CTTNBP2: variants seen among roughly 807,000 people sequenced by gnomAD.
The protein encoded by CTTNBP2 is cortactin-binding protein 2.
CTTNBP2 carries 108 observed loss-of-function variants against 156.9 expected under a neutral mutation model. The observed-to-expected ratio is 0.69, with a 90% CI of 0.59 to 0.81. The LOEUF (loss-of-function observed/expected upper bound fraction) is 0.81. Among genes scored for constraint, CTTNBP2 ranks in the 30% least tolerant of loss-of-function variants. The probability of loss-of-function intolerance (pLI) is 0.00; values close to 1 mark genes in which losing one functional copy is unlikely to be tolerated. For synonymous variants in CTTNBP2, 767 were observed against 751.8 expected (o/e 1.02, Z -0.33); for missense variants, 1,924 against 2,035.4 (o/e 0.95, Z 1.05).
At chr7:117,774,520 C>T (rs188214026) in intron 8 of CTTNBP2, among the ~76,000 whole-genome samples, 6 of 152,284 alleles carry the variant, frequency 3.9e-5, no homozygotes, top group African/African-American at 1.2e-4. Flanking sequence ...GCATTAGACT[C>T]TCATAGGAGT....
chr7:117,726,940 A>G (rs966531375), intron 17 of CTTNBP2, among the ~76,000 whole-genome samples: 1 of 152,168 alleles, frequency 6.6e-6, no homozygotes, highest in Non-Finnish European at 1.5e-5. Context: ...TAGGGTAAAA[A>G]TCTTGGGACC....
intron 2 of CTTNBP2, among the ~76,000 whole-genome samples, chr7:117,822,069 T>C (rs1042773134): frequency 6.6e-6 from 1 of 152,196 alleles, no homozygotes; most frequent in Non-Finnish European, 1.5e-5. Context: ...GTGAACTCAA[T>C]TTTTAAAATA....
chr7:117,858,160 G>A (rs941786785), intron 2 of CTTNBP2, among the ~76,000 whole-genome samples: 4 of 152,224 alleles, frequency 2.6e-5, no homozygotes, highest in African/African-American at 4.8e-5. Context: ...CACGAGGTCA[G>A]GAGATCAAAA....
At chr7:117,864,494 G>T (rs777541231) in intron 1 of CTTNBP2, among the ~76,000 whole-genome samples, 7 of 151,138 alleles carry the variant, frequency 4.6e-5, no homozygotes, top group Admixed American at 1.3e-4. Context: ...GCAAAACAGG[G>T]TTAAAAAAAG....
chr7:117,754,757 TCAA>T (rs1183783776), intron 12 of CTTNBP2, among the ~76,000 whole-genome samples: 3 of 152,226 alleles, frequency 2.0e-5, no homozygotes, highest in African/African-American at 4.8e-5. Flanking sequence ...CAATATAGAA[TCAA>T]CAACAGTTTT....
At chr7:117,746,920 T>C (rs1310684200) in intron 12 of CTTNBP2, among the ~76,000 whole-genome samples, 1 of 152,196 alleles carries the variant, frequency 6.6e-6, no homozygotes, top group Non-Finnish European at 1.5e-5. Context: ...AGTTTCAGCA[T>C]GCACTTGGAT....
intron 1 of CTTNBP2, 91 bp downstream of exon 1, chr7:117,873,244 G>A (rs549988998): frequency 2.7e-5 from 27 of 1,011,356 alleles, no homozygotes; most frequent in East Asian, 1.0e-4. Flanking sequence ...GGAACGCCCC[G>A]GGGGTGCGAA....
intron 8 of CTTNBP2, among the ~76,000 whole-genome samples, chr7:117,769,762 AC>A (rs1393769154): frequency 6.6e-6 from 1 of 152,230 alleles, no homozygotes; most frequent in Non-Finnish European, 1.5e-5. Flanking sequence ...CAATCTGAGC[AC>A]TAAACTTAGT....
intron 7 of CTTNBP2, 28 bp from the exon 8 acceptor site, chr7:117,777,793 G>C (rs777535459): frequency 6.3e-7 from 1 of 1,587,840 alleles, no homozygotes; most frequent in East Asian, 2.3e-5. Context: ...AGGGGGAAAG[G>C]GTTGATAACA....
At chr7:117,718,753 C>A (rs1407861527) in intron 21 of CTTNBP2, among the ~76,000 whole-genome samples, 1 of 152,174 alleles carries the variant, frequency 6.6e-6, no homozygotes, top group African/African-American at 2.4e-5. Context: ...AATTCTTTTT[C>A]TCATTTGCAA....
intron 1 of CTTNBP2, among the ~76,000 whole-genome samples, chr7:117,870,843 C>T (rs1223377266): frequency 6.6e-6 from 1 of 152,150 alleles, no homozygotes; most frequent in Admixed American, 6.5e-5. Flanking sequence ...GTAGCTGTTA[C>T]CCAGCCTTAA....
chr7:117,775,195 T>C (rs1299140796), intron 8 of CTTNBP2, among the ~76,000 whole-genome samples: 1 of 152,104 alleles, frequency 6.6e-6, no homozygotes, highest in Non-Finnish European at 1.5e-5. Flanking sequence ...GCTTAAAAAA[T>C]ATATTAATAG....
chr7:117,719,742 T>A, intron 20 of CTTNBP2, 106 bp from the exon 21 acceptor site: 2 of 825,094 alleles, frequency 2.4e-6, no homozygotes, highest in East Asian at 5.3e-5. Flanking sequence ...AGGGAAAATG[T>A]TTTTAATAGC....
chr7:117,857,098 G>A (rs903106255), intron 2 of CTTNBP2, among the ~76,000 whole-genome samples: 4 of 152,074 alleles, frequency 2.6e-5, no homozygotes, highest in Admixed American at 1.3e-4. Context: ...ATTCTTTATT[G>A]AACTGCAAAA....
intron 3 of CTTNBP2, among the ~76,000 whole-genome samples, chr7:117,807,829 A>C (rs937532580): frequency 1.3e-4 from 20 of 152,216 alleles, no homozygotes; most frequent in African/African-American, 3.9e-4. Context: ...CTTGTTTGTG[A>C]TGCTGGCTGG....
Position 117,760,666 on chromosome 7 carries a change from G to C in CTTNBP2, c.2941C>G (p.Pro981Ala), listed in dbSNP as rs765928444. The change falls in exon 10 of 23, where the codon CCA (proline) becomes GCA (alanine). Residue 981 changes from proline (P) to alanine (A), a missense_variant. Transcript: ENST00000160373. ...PLRISVGEIE[P>A]SNYGSDDLEC... is the part of the protein sequence containing the mutation. ...AAGTCATCAGAACCATAGTTGCTTG[G>C]TTCAATCTCACCCACTGAAATCCTT... 1 of 1,613,184 alleles carries C rather than the reference G, an allele frequency of 6.2e-7. No homozygotes were observed. Among genetic ancestry groups the C allele is most frequent in the Non-Finnish European group, 8.5e-7 (1 of 1,179,430 alleles).
At chr7:117,852,895 C>CT (rs1208576955) in intron 2 of CTTNBP2, among the ~76,000 whole-genome samples, 1 of 152,010 alleles carries the variant, frequency 6.6e-6, no homozygotes, top group Non-Finnish European at 1.5e-5. Context: ...TTAATGTTGC[C>CT]TTTGGGGGAG....
chr7:117,815,977 T>C (rs188922254), intron 2 of CTTNBP2, among the ~76,000 whole-genome samples: 11 of 152,306 alleles, frequency 7.2e-5, no homozygotes, highest in Admixed American at 6.5e-4. Flanking sequence ...TGCATACTTG[T>C]TGACTGAATA....
chr7:117,744,663 A>T (rs1432125090), intron 14 of CTTNBP2, among the ~76,000 whole-genome samples: 4 of 152,136 alleles, frequency 2.6e-5, no homozygotes, highest in Non-Finnish European at 5.9e-5. Context: ...AGGCAGGCAG[A>T]TTGTTTGAGC....
Sources: gnomAD v4.1 joint callset for allele counts (sites outside exome capture counted in the v4.1 genomes callset) on GRCh38, gnomAD v4.1.1 for gene constraint, MANE v1.5 for transcripts, NCBI Gene and HGNC (gene_info 2026-07-23, HGNC 2026-07-21) for gene names.